CRADD: variants seen among roughly 807,000 people sequenced by gnomAD.
CRADD encodes the protein death domain-containing protein CRADD.
A neutral mutation model predicts 15.5 loss-of-function variants in CRADD; 9 were observed. The observed-to-expected ratio is 0.58, with a 90% confidence interval of 0.35 to 1.01. The LOEUF is 1.01. CRADD is among the 50% of genes least tolerant of loss of function. The pLI, the probability that CRADD is intolerant of heterozygous loss-of-function variation, is 0.02. For missense variants in CRADD, 227 were observed against 250.3 expected, an observed-to-expected ratio of 0.91 and a Z score of 0.63; for synonymous variants, 118 against 107.6, an observed-to-expected ratio of 1.10 and a Z score of -0.60.
rs147853279 is a variant in CRADD at position 93,796,252 on chromosome 12, G to T, written c.299-53718G>T. On this transcript the variant is annotated intron_variant, in intron 2 of 2. Coordinates refer to ENST00000332896, the MANE Select transcript of CRADD (RefSeq NM_003805.5). ...ACAGTTTTGTAATTAACATTCCTTT[G>T]CATGGTATAAATACAAATCTGTTCT... Among the ~76,000 whole-genome samples, 66 of 152,004 alleles carry T rather than the reference G, an allele frequency of 4.3e-4. No individual in the cohort carries two copies. In the East Asian group the frequency reaches 0.012, roughly 27 times the overall value.
chr12:93,887,189 C>T lies in CRADD; in HGVS notation c.299-6861C>T, dbSNP rs371133673. Among the ~76,000 whole-genome samples the T allele has an allele frequency of 2.7e-4, 41 of 152,292 alleles. No individual in the cohort carries two copies. The East Asian group carries it at 6.2e-3, about 23-fold the overall frequency. Reference sequence around the variant, plus strand: ...TGAGAATTACAATAGCTTACCCAATCGTCCAAAGGTCACAAAGCCCCAGAA... The same window carrying T: ...TGAGAATTACAATAGCTTACCCAATTGTCCAAAGGTCACAAAGCCCCAGAA... On this transcript the variant is annotated intron_variant, in intron 2 of 2. Transcript: ENST00000548483.
chr12:93,841,511 CTT>C (rs536083537), intron 2 of CRADD, among the ~76,000 whole-genome samples: 299 of 152,280 alleles, frequency 2.0e-3, no homozygotes, highest in African/African-American at 6.9e-3. Context: ...GCCTAGGGCT[CTT>C]TGTCAAGGGA....
intron 2 of CRADD, among the ~76,000 whole-genome samples, chr12:93,783,106 C>T (rs1341734995): frequency 6.6e-6 from 1 of 152,044 alleles, no homozygotes; most frequent in Non-Finnish European, 1.5e-5. Flanking sequence ...GCTACTCCCT[C>T]CTTTTTTGCC....
chr12:93,799,990 G>A (rs1957459518), intron 2 of CRADD, among the ~76,000 whole-genome samples: 1 of 152,166 alleles, frequency 6.6e-6, no homozygotes, highest in Admixed American at 6.5e-5. Context: ...GGGATACACT[G>A]TATTAGGGTT....
intron 2 of CRADD, among the ~76,000 whole-genome samples, chr12:93,710,412 C>T (rs1170907644): frequency 7.0e-6 from 1 of 142,076 alleles, no homozygotes; most frequent in African/African-American, 2.6e-5. Flanking sequence ...GTGGCACAAT[C>T]TTGGCTCACT....
intron 2 of CRADD, chr12:93,738,161 C>A: frequency 1.7e-6 from 1 of 597,980 alleles, no homozygotes; most frequent in South Asian, 2.0e-5. Flanking sequence ...GCTGTTTTGT[C>A]AGTTGGAACA....
At chr12:93,816,524 GC>G (rs768107172) in intron 2 of CRADD, among the ~76,000 whole-genome samples, 1 of 152,076 alleles carries the variant, frequency 6.6e-6, no homozygotes. Flanking sequence ...ACCATACCCT[GC>G]CAGAAAACAA....
intron 2 of CRADD, among the ~76,000 whole-genome samples, chr12:93,802,785 G>A (rs913300401): frequency 6.6e-6 from 1 of 152,168 alleles, no homozygotes; most frequent in Non-Finnish European, 1.5e-5. Flanking sequence ...GTTACTGGGG[G>A]AGCTTCTCAG....
chr12:93,780,015 A>G (rs1352430509), intron 2 of CRADD, among the ~76,000 whole-genome samples: 1 of 152,240 alleles, frequency 6.6e-6, no homozygotes, highest in African/African-American at 2.4e-5. Flanking sequence ...CGGTAAGAAA[A>G]TATCTGCAAA....
downstream of CRADD, among the ~76,000 whole-genome samples, chr12:93,852,328 T>A (rs1958232307): frequency 6.6e-6 from 1 of 152,218 alleles, no homozygotes. Flanking sequence ...ATTAGCTGGG[T>A]CATCTTTCCG....
chr12:93,799,754 G>A (rs1271978519), intron 2 of CRADD, among the ~76,000 whole-genome samples: 1 of 152,184 alleles, frequency 6.6e-6, no homozygotes, highest in Non-Finnish European at 1.5e-5. Context: ...GCAAATCAGA[G>A]TCTCATTGCT....
intron 2 of CRADD, among the ~76,000 whole-genome samples, chr12:93,685,736 G>A (rs10859550): frequency 0.095 from 14,408 of 152,192 alleles, 1,443 homozygotes; most frequent in African/African-American, 0.26. Context: ...TCACTCCTGT[G>A]ATCCCAGCAT....
chr12:93,747,634 AT>A (rs1956774848), intron 2 of CRADD, among the ~76,000 whole-genome samples: 1 of 151,968 alleles, frequency 6.6e-6, no homozygotes, highest in South Asian at 2.1e-4. Context: ...GTGCTGGCTA[AT>A]TTTTGTATTT....
intron 2 of CRADD, among the ~76,000 whole-genome samples, chr12:93,890,763 C>CTTTT (rs571133896): frequency 2.8e-5 from 4 of 144,292 alleles, no homozygotes; most frequent in East Asian, 2.0e-4. Flanking sequence ...TTCTTTCTTT[C>CTTTT]TTTTTTTTTT....
At chr12:93,719,370 T>G (rs1956218752) in intron 2 of CRADD, among the ~76,000 whole-genome samples, 1 of 152,174 alleles carries the variant, frequency 6.6e-6, no homozygotes, top group Admixed American at 6.6e-5. Context: ...TTTGAGGATT[T>G]TTGCGTTTAT....
At chr12:93,766,663 G>A (rs972816777) in intron 2 of CRADD, among the ~76,000 whole-genome samples, 1 of 152,194 alleles carries the variant, frequency 6.6e-6, no homozygotes, top group Non-Finnish European at 1.5e-5. Context: ...GGTGAAACTG[G>A]TCCTCGTGAT....
Position 93,677,411 on chromosome 12 carries a change from C to G in CRADD, c.-68C>G, listed in dbSNP as rs550163935. On this transcript the variant is annotated 5_prime_UTR_variant, in exon 1 of 3. Transcript: ENST00000332896. The stretch of plus-strand genomic sequence containing the variant: ...AGATGGTGCTTATGGGGCAGGTTCC[C>G]TAACAGTCAGGATTCCGGTTGCAGT... 6.6e-6 allele frequency: 1 copy of G among 152,228 alleles called. No individual in the cohort carries two copies. The highest frequency in any genetic ancestry group is 6.5e-5 in the Admixed American group (1 of 15,292). 9.4% of individuals were successfully genotyped at this position (152,228 alleles called of 1,614,324 possible).
At chr12:93,849,948 G>A (rs145681623) in intron 2 of CRADD, 22 bp from the exon 3 acceptor site, 40 of 1,437,222 alleles carry the variant, frequency 2.8e-5, no homozygotes, top group African/African-American at 4.2e-5. Flanking sequence ...TCATTTCACC[G>A]GGGTGTCTTT....
At chr12:93,768,730 G>A (rs1957051891) in intron 2 of CRADD, among the ~76,000 whole-genome samples, 2 of 152,234 alleles carry the variant, frequency 1.3e-5, no homozygotes, top group South Asian at 2.1e-4. Flanking sequence ...CAGATCCTAA[G>A]TGTACAACTC....
Sources: allele counts gnomAD v4.1 joint callset (sites outside exome capture counted in the v4.1 genomes callset), GRCh38; gene constraint gnomAD v4.1.1; transcripts MANE v1.5; gene names NCBI Gene and HGNC (gene_info 2026-07-23, HGNC 2026-07-21).